Variants in WDR64 observed in about 807,000 individuals in gnomAD.
WDR64 encodes WD repeat-containing protein 64.
WDR64 carries 112 observed loss-of-function variants against 139.3 expected under a neutral mutation model. The observed-to-expected ratio is 0.80, with a 90% CI of 0.69 to 0.94. The LOEUF is 0.94. Among genes scored for constraint, WDR64 ranks in the 40% least tolerant of loss-of-function variants. The pLI is 0.00. For synonymous variants in WDR64, 444 were observed against 437.7 expected (o/e 1.01, Z -0.18); for missense variants, 1,206 against 1,293.1 (o/e 0.93, Z 1.03).
chr1:241,693,029 C>T (rs574956061), intron 8 of WDR64, among the ~76,000 whole-genome samples: 1 of 152,264 alleles, frequency 6.6e-6, no homozygotes, highest in African/African-American at 2.4e-5. Flanking sequence ...GAAACATACC[C>T]TTACTACATG....
At chr1:241,660,742 C>A in intron 2 of WDR64, 82 bp downstream of exon 2, 2 of 1,471,756 alleles carry the variant, frequency 1.4e-6, no homozygotes, top group South Asian at 1.3e-5. Flanking sequence ...CAAAGTGTTA[C>A]TGCCACAGGG....
At chr1:241,783,972 G>A (rs1658943323) in intron 23 of WDR64, among the ~76,000 whole-genome samples, 1 of 152,188 alleles carries the variant, frequency 6.6e-6, no homozygotes, top group Non-Finnish European at 1.5e-5. Flanking sequence ...TGAATTATCC[G>A]CTTAAAAGAA....
At chr1:241,795,735 T>A (rs899772839) in intron 26 of WDR64, among the ~76,000 whole-genome samples, 1 of 152,168 alleles carries the variant, frequency 6.6e-6, no homozygotes, top group Non-Finnish European at 1.5e-5. Context: ...ATTTCTTGTT[T>A]CCCTCAAAAT....
At chr1:241,681,978 TG>T (rs1302896210) in intron 6 of WDR64, among the ~76,000 whole-genome samples, 2 of 152,172 alleles carry the variant, frequency 1.3e-5, no homozygotes, top group African/African-American at 4.8e-5. Context: ...TGAGATTGTT[TG>T]TTTTTTTTCT....
At chr1:241,696,900 C>T (rs189601472) in intron 8 of WDR64, among the ~76,000 whole-genome samples, 6 of 152,264 alleles carry the variant, frequency 3.9e-5, no homozygotes, top group Admixed American at 3.3e-4. Context: ...CAGGACTCAG[C>T]CTTATTTTAC....
At chr1:241,799,233 T>G (rs1480466539) in intron 27 of WDR64, among the ~76,000 whole-genome samples, 1 of 42,180 alleles carries the variant, frequency 2.4e-5, no homozygotes, top group Non-Finnish European at 4.9e-5. Context: ...ATACAAAAAT[T>G]AGCCGGGTGT....
chr1:241,681,610 A>G (rs1041984567), intron 6 of WDR64, among the ~76,000 whole-genome samples: 1 of 151,760 alleles, frequency 6.6e-6, no homozygotes, highest in Non-Finnish European at 1.5e-5. Context: ...TTTATATATA[A>G]GGAGTTCTTT....
rs574147285 is a variant in WDR64 at position 241,718,069 on chromosome 1, G to A, written c.1055-5228G>A. Among the ~76,000 whole-genome samples, 11 of 152,312 alleles carry A rather than the reference G, an allele frequency of 7.2e-5. 1 individual carries two copies. The Middle Eastern group carries it at 0.014, about 188-fold the overall frequency. ...TAAAGCTAGTTAAGGGGTAGAGCCA[G>A]GTTTCAAATCAAATATGATTCGCTC... On this transcript the variant is annotated intron_variant, in intron 9 of 27. Transcript: ENST00000437684.
At chr1:241,674,319 T>C (rs1666377640) in intron 3 of WDR64, among the ~76,000 whole-genome samples, 1 of 139,410 alleles carries the variant, frequency 7.2e-6, no homozygotes, top group South Asian at 2.3e-4. Context: ...AGTGCAGTGG[T>C]GCAATCACAA....
Position 241,654,594 on chromosome 1 carries a change from T to C in WDR64, c.145+1965T>C, listed in dbSNP as rs79370303. On this transcript the variant is annotated intron_variant, in intron 1 of 27. Coordinates refer to ENST00000437684, the MANE Select transcript of WDR64 (RefSeq NM_001367482.1). Reference sequence around the variant, plus strand: ...CTTTGCTTCTTTTTCTCCTTGAGCTTTGCCTACTGTGTTCTCTCTCAGTCT... The same window carrying C: ...CTTTGCTTCTTTTTCTCCTTGAGCTCTGCCTACTGTGTTCTCTCTCAGTCT... Among the ~76,000 whole-genome samples, 118 of 152,348 alleles carry C rather than the reference T, an allele frequency of 7.7e-4. No homozygotes were observed. The East Asian group carries it at 0.019, about 25-fold the overall frequency.
chr1:241,743,392 T>C (rs745365501), intron 12 of WDR64, among the ~76,000 whole-genome samples: 1 of 152,132 alleles, frequency 6.6e-6, no homozygotes, highest in Non-Finnish European at 1.5e-5. Context: ...AAGTACGGAC[T>C]CTAGGGCCAG....
chr1:241,778,825 C>G (rs1232158270), intron 21 of WDR64, among the ~76,000 whole-genome samples: 3 of 152,072 alleles, frequency 2.0e-5, no homozygotes, highest in Non-Finnish European at 4.4e-5. Context: ...TGTATAATTA[C>G]TATCATTCAT....
chr1:241,683,016 C>T (rs1299174588), intron 6 of WDR64, among the ~76,000 whole-genome samples: 1 of 152,142 alleles, frequency 6.6e-6, no homozygotes, highest in Non-Finnish European at 1.5e-5. Flanking sequence ...TTCAATAGTA[C>T]AAAATAAGCT....
intron 3 of WDR64, among the ~76,000 whole-genome samples, chr1:241,672,170 CA>C (rs1489049749): frequency 6.6e-6 from 1 of 151,956 alleles, no homozygotes. Context: ...GACTCTGTCT[CA>C]AACAAACAAA....
intron 2 of WDR64, among the ~76,000 whole-genome samples, chr1:241,661,875 A>T (rs1665845800): frequency 1.3e-5 from 2 of 152,352 alleles, no homozygotes; most frequent in South Asian, 4.1e-4. Context: ...ACTGGAACAC[A>T]GCAATGCTCA....
rs1211912777 is a variant in WDR64, at chr1:241,683,543, G to C, written c.681G>C (p.Val227=). ...ACTGCCTCCTGTGTGTGTGTGTGGT[G>C]CCTTTGCCTGACCATCTCTGCCGAG... is the stretch of plus-strand genomic sequence containing the variant. The part of the protein sequence containing the change: ...MDHCLLCVCV[V]PLPDHLCRDD... The change falls in exon 7 of 28, where the codon GTG becomes GTC. Residue 227 remains valine (V), a synonymous_variant. Transcript: ENST00000437684. The C allele has an allele frequency of 6.4e-7, 1 of 1,551,622 alleles. No individual in the cohort carries two copies. Among genetic ancestry groups the C allele is most frequent in the African/African-American group, 1.4e-5 (1 of 72,964 alleles).
At position 241,674,604 on chromosome 1, in the gene WDR64, T is replaced by C. The variant is rs1044683483; in HGVS notation, c.380-40T>C. On this transcript the variant is annotated intron_variant, in intron 3 of 27. Coordinates refer to ENST00000437684, the MANE Select transcript of WDR64 (RefSeq NM_001367482.1). ...ATCTAACAAATGAGTTTCAGCACCT[T>C]TACTGCTGAAAGTTGAAATGAATAT... 3.0e-6 allele frequency: 4 copies of C among 1,334,652 alleles called. No homozygotes were observed. The Admixed American group carries it at 9.0e-5, about 30-fold the overall frequency. The allele number at this position is 1,334,652 out of a possible 1,614,324, so 82.7% of individuals were successfully genotyped here.
chr1:241,657,562 T>C, intron 1 of WDR64, among the ~76,000 whole-genome samples: 1 of 152,190 alleles, frequency 6.6e-6, no homozygotes, highest in East Asian at 1.9e-4. Flanking sequence ...GATCAGCCTC[T>C]GCCTAAAAGG....
At chr1:241,701,077 AT>A (rs1292543554) in intron 8 of WDR64, among the ~76,000 whole-genome samples, 1 of 152,144 alleles carries the variant, frequency 6.6e-6, no homozygotes, top group Admixed American at 6.5e-5. Flanking sequence ...AGATAGTAAT[AT>A]TTTTTTATAT....
Sources: gnomAD v4.1 joint callset for allele counts (sites outside exome capture counted in the v4.1 genomes callset) on GRCh38, gnomAD v4.1.1 for gene constraint, MANE v1.5 for transcripts, NCBI Gene and HGNC (gene_info 2026-07-23, HGNC 2026-07-21) for gene names.